Variants in PDE1A observed in about 807,000 individuals in gnomAD.
PDE1A encodes phosphodiesterase 1A.
In PDE1A, 35 loss-of-function variants were observed where a neutral mutation model predicts 61.7. The observed-to-expected ratio is 0.57, with a 90% CI of 0.43 to 0.75. The LOEUF is 0.75. PDE1A is among the 30% of genes least tolerant of loss of function. The pLI, the probability that PDE1A is intolerant of heterozygous loss-of-function variation, is 0.00. For missense variants in PDE1A, 597 were observed against 630.6 expected (o/e 0.95, Z 0.57); for synonymous variants, 232 against 213.2 (o/e 1.09, Z -0.77).
chr2:182,264,464 A>C, intron 1 of PDE1A, 50 bp from the exon 2 acceptor site: 1 of 1,334,030 alleles, frequency 7.5e-7, no homozygotes, highest in East Asian at 2.3e-5. Context: ...ATTTATTGTA[A>C]CTATATGGAA....
the PDE1A span, among the ~76,000 whole-genome samples, chr2:182,564,415 G>A: frequency 9.8e-4 from 149 of 152,208 alleles, no homozygotes; most frequent in East Asian, 6.8e-3. Flanking sequence ...AGTTTCTGCC[G>A]AGAGATCTGC....
intron 2 of PDE1A, among the ~76,000 whole-genome samples, chr2:182,488,506 T>C (rs993410693): frequency 6.6e-6 from 1 of 152,202 alleles, no homozygotes; most frequent in African/African-American, 2.4e-5. Context: ...TCAAAGTGTT[T>C]TGTTATGCCT....
chr2:182,678,418 T>C, the PDE1A span, among the ~76,000 whole-genome samples: 1 of 152,154 alleles, frequency 6.6e-6, no homozygotes, highest in Non-Finnish European at 1.5e-5. Context: ...AGCAAGGCTC[T>C]GTCTCAGAAA....
At chr2:182,322,242 A>C (rs568484865) in intron 1 of PDE1A, among the ~76,000 whole-genome samples, 2 of 152,340 alleles carry the variant, frequency 1.3e-5, no homozygotes, top group African/African-American at 4.8e-5. Context: ...CCACAGAATC[A>C]ACTCGAGACT....
At chr2:182,646,678 C>T in the PDE1A span, among the ~76,000 whole-genome samples, 19,333 of 150,000 alleles carry the variant, frequency 0.13, 1,781 homozygotes, top group African/African-American at 0.26. Context: ...AGCTAGACTC[C>T]ATCTAGGAAA....
chr2:182,148,039 C>T (rs190976305), intron 13 of PDE1A, among the ~76,000 whole-genome samples: 1 of 152,252 alleles, frequency 6.6e-6, no homozygotes, highest in Admixed American at 6.5e-5. Flanking sequence ...ACAATTTTGT[C>T]TTTACGATAT....
the PDE1A span, among the ~76,000 whole-genome samples, chr2:182,578,447 A>G: frequency 4.6e-5 from 7 of 152,366 alleles, no homozygotes; most frequent in African/African-American, 9.6e-5. Flanking sequence ...AAGAAAGTCT[A>G]TATTATTAAG....
At chr2:182,223,199 T>C (rs914105696) in intron 7 of PDE1A, among the ~76,000 whole-genome samples, 2 of 151,986 alleles carry the variant, frequency 1.3e-5, no homozygotes, top group African/African-American at 2.4e-5. Context: ...GGGTGTTGTC[T>C]GTAAGTCAAG....
intron 1 of PDE1A, among the ~76,000 whole-genome samples, chr2:182,364,888 G>A (rs889652557): frequency 2.0e-5 from 3 of 151,858 alleles, no homozygotes; most frequent in South Asian, 2.1e-4. Context: ...ATTTTCATAC[G>A]TCTAAAACAG....
chr2:182,256,097 T>A (rs1383469909), intron 2 of PDE1A, among the ~76,000 whole-genome samples: 35 of 149,074 alleles, frequency 2.3e-4, no homozygotes, highest in African/African-American at 6.5e-4. Context: ...CTTTTTTTTT[T>A]ATTATACTTT....
chr2:182,604,799 T>C, the PDE1A span, among the ~76,000 whole-genome samples: 1 of 152,170 alleles, frequency 6.6e-6, no homozygotes, highest in South Asian at 2.1e-4. Context: ...AGCCAGGTTA[T>C]ATTGGTTTTT....
intron 2 of PDE1A, among the ~76,000 whole-genome samples, chr2:182,456,570 G>A (rs1559480889): frequency 6.6e-6 from 1 of 152,030 alleles, no homozygotes; most frequent in Non-Finnish European, 1.5e-5. Context: ...AGATTCTGAA[G>A]TATTGAAACA....
intron 2 of PDE1A, among the ~76,000 whole-genome samples, chr2:182,249,591 G>A (rs1231608120): frequency 6.6e-6 from 1 of 152,046 alleles, no homozygotes; most frequent in Admixed American, 6.6e-5. Context: ...AGGAATTAAG[G>A]GTGGTTCATC....
intron 1 of PDE1A, among the ~76,000 whole-genome samples, chr2:182,418,825 A>C (rs1703085990): frequency 1.3e-5 from 2 of 152,054 alleles, no homozygotes; most frequent in African/African-American, 4.8e-5. Context: ...TCTTCCTCTT[A>C]AGCCGGCCCA....
At chr2:182,551,415 G>A in the PDE1A span, among the ~76,000 whole-genome samples, 1 of 152,146 alleles carries the variant, frequency 6.6e-6, no homozygotes. Flanking sequence ...TGAGTAAGCT[G>A]ATAACAGTAA....
intron 2 of PDE1A, among the ~76,000 whole-genome samples, chr2:182,466,525 C>T (rs1686680324): frequency 6.6e-6 from 1 of 151,860 alleles, no homozygotes; most frequent in Non-Finnish European, 1.5e-5. Context: ...CATAAGTCCA[C>T]GAAGTATGTT....
At chr2:182,300,870 G>A (rs1281971482) in intron 1 of PDE1A, among the ~76,000 whole-genome samples, 2 of 152,098 alleles carry the variant, frequency 1.3e-5, no homozygotes, top group Non-Finnish European at 2.9e-5. Flanking sequence ...CTATGCATGG[G>A]CTCTCTCTTG....
intron 2 of PDE1A, among the ~76,000 whole-genome samples, chr2:182,512,379 G>A (rs913897400): frequency 2.6e-5 from 4 of 152,112 alleles, no homozygotes; most frequent in Non-Finnish European, 4.4e-5. Flanking sequence ...AACAAAGCCA[G>A]TCAACTCAAC....
At chr2:182,271,203 C>G (rs1418026839) in intron 1 of PDE1A, among the ~76,000 whole-genome samples, 2 of 142,762 alleles carry the variant, frequency 1.4e-5, no homozygotes, top group Non-Finnish European at 3.1e-5. Context: ...AAAAAAAAAG[C>G]TACCTATGTG....
Sources: allele counts gnomAD v4.1 joint callset (sites outside exome capture counted in the v4.1 genomes callset), GRCh38; gene constraint gnomAD v4.1.1; transcripts MANE v1.5; gene names NCBI Gene and HGNC (gene_info 2026-07-23, HGNC 2026-07-21).